The following ZBTB21 variants were observed in gnomAD, a reference collection of about 807,000 sequenced individuals.
ZBTB21 encodes the protein zinc finger and BTB domain-containing protein 21.
ZBTB21 carries 10 observed loss-of-function variants against 39.8 expected under a neutral mutation model. The observed-to-expected ratio is 0.25, with a 90% confidence interval of 0.16 to 0.43. The LOEUF (loss-of-function observed/expected upper bound fraction) is 0.43, where lower values mean the gene tolerates loss of function less well. ZBTB21 is among the 20% of genes least tolerant of loss of function. The pLI is 1.00. For missense variants in ZBTB21, 1,221 were observed against 1,296.3 expected (o/e 0.94, Z 0.89); for synonymous variants, 551 against 498.8 (o/e 1.10, Z -1.40).
intron 2 of ZBTB21, among the ~76,000 whole-genome samples, chr21:41,998,756 C>T (rs2146312807): frequency 6.6e-6 from 1 of 152,212 alleles, no homozygotes; most frequent in East Asian, 1.9e-4. Flanking sequence ...TATACAATTC[C>T]TTCTGACTCC....
intron 2 of ZBTB21, among the ~76,000 whole-genome samples, chr21:42,001,167 C>T (rs2065812994): frequency 6.6e-6 from 1 of 151,606 alleles, no homozygotes; most frequent in Non-Finnish European, 1.5e-5. Flanking sequence ...GCAGGATTCA[C>T]ATCAGCTGGC....
intron 1 of ZBTB21, among the ~76,000 whole-genome samples, chr21:42,009,929 A>G (rs2065939198): frequency 6.6e-6 from 1 of 152,118 alleles, no homozygotes; most frequent in Non-Finnish European, 1.5e-5. Flanking sequence ...CCCCTACCCC[A>G]GGGGCAGCTC....
rs746565908 is a variant in ZBTB21, at chr21:41,991,819, C to T, written c.2277G>A (p.Ser759=). The T allele has an allele frequency of 8.7e-6, 14 of 1,614,170 alleles. No individual in the cohort carries two copies. The highest frequency in any genetic ancestry group is 6.7e-5 in the Admixed American group (4 of 60,026). The change falls in exon 3 of 3, where the codon TCG becomes TCA. Residue 759 remains serine, a synonymous_variant. Transcript: ENST00000310826. This position sits in a 1 kb window ranked among gnomAD's most constrained non-coding sequence, Gnocchi z 4.9. The part of the protein sequence containing the change: ...VCPYCSLRFF[S]PELKQEHESK... ...TCTCGTGTTCTTGCTTCAGCTCGGG[C>T]GAGAAAAACCTGAGGCTGCAGTAAG...
At position 41,991,814 on chromosome 21, in the gene ZBTB21, T is replaced by A. The variant is rs754335990; in HGVS notation, c.2282A>T (p.Glu761Val). Residue 761 changes from glutamate to valine, a missense_variant, in exon 3 of 3, where the codon GAG (glutamate) becomes GTG (valine). Coordinates refer to ENST00000310826, the MANE Select transcript of ZBTB21 (RefSeq NM_001098402.2). The surrounding 1 kb of genome is among the most constrained non-coding windows in gnomAD (Gnocchi z 4.9). The stretch of plus-strand genomic sequence containing the variant: ...CTTGCTCTCGTGTTCTTGCTTCAGC[T>A]CGGGCGAGAAAAACCTGAGGCTGCA... ...PYCSLRFFSP[E>V]LKQEHESKCE... The A allele has an allele frequency of 2.5e-6, 4 of 1,614,204 alleles. No homozygotes were observed. The highest frequency in any genetic ancestry group is 3.4e-6 in the Non-Finnish European group (4 of 1,180,032).
chr21:41,993,881 A>G lies in ZBTB21; in HGVS notation c.215T>C (p.Leu72Pro). Residue 72 changes from leucine (L) to proline (P), a missense_variant, in exon 3 of 3, where the codon CTT becomes CCT. Leu to Pro is a moderately conservative substitution (Grantham distance 98). Around this residue, in one of 4 missense-constraint regions of ZBTB21, gnomAD observed 108 missense variants for 155.0 expected, o/e 0.70. Coordinates refer to ENST00000310826, the MANE Select transcript of ZBTB21 (RefSeq NM_001098402.2). ...KENESQTVFQLDFCEPDAFDN... is the reference protein window; with the variant it reads ...KENESQTVFQPDFCEPDAFDN... ...AAAAGCATCTGGCTCACAGAAGTCA[A>G]GCTGAAATACAGTTTGTGACTCATT... 2 of 1,613,982 alleles carry G rather than the reference A, an allele frequency of 1.2e-6. No homozygotes were observed. The highest frequency in any genetic ancestry group is 1.7e-6 in the Non-Finnish European group (2 of 1,179,946).
At position 41,992,863 on chromosome 21, in the gene ZBTB21, A is replaced by G; in HGVS notation, c.1233T>C (p.Ser411=). The G allele has an allele frequency of 1.2e-6, 2 of 1,614,198 alleles. No individual in the cohort carries two copies. Among genetic ancestry groups the G allele is most frequent in the Non-Finnish European group, 1.7e-6 (2 of 1,180,040 alleles). The change falls in exon 3 of 3, where the codon AGT becomes AGC. Residue 411 remains serine (S), a synonymous_variant. Transcript: ENST00000310826. This position sits in a 1 kb window ranked among gnomAD's most constrained non-coding sequence, Gnocchi z 4.1. ...CCTCCCTGTCTGTTGACTGAGAAGC[A>G]CTAAAGGACCTGAGGCGATGCGGTT... ...VLQPHRLRSF[S]ASQSTDREGA...
At chr21:42,006,811 A>T (rs193263552) in intron 1 of ZBTB21, among the ~76,000 whole-genome samples, 1 of 152,344 alleles carries the variant, frequency 6.6e-6, no homozygotes, top group East Asian at 1.9e-4. Context: ...AAACTGATGT[A>T]ACTGGTGTTC....
At chr21:42,001,199 T>C (rs191351559) in intron 2 of ZBTB21, among the ~76,000 whole-genome samples, 309 of 152,316 alleles carry the variant, frequency 2.0e-3, no homozygotes, top group African/African-American at 7.1e-3. Flanking sequence ...GGCTAAGCTC[T>C]TAACCCCTAC....
intron 2 of ZBTB21, among the ~76,000 whole-genome samples, chr21:41,997,780 A>G (rs1207167368): frequency 6.6e-6 from 1 of 152,192 alleles, no homozygotes; most frequent in East Asian, 1.9e-4. Flanking sequence ...TTTCACTGAA[A>G]TGCTCTTCAA....
Position 41,989,796 on chromosome 21 carries a change from T to C in ZBTB21, c.*1099A>G, listed in dbSNP as rs1247113115. ...CACAAGAGAGAGGCAGGAAAATGTA[T>C]ATGTCGTATATATTGTTCTTGGAAA... On this transcript the variant is annotated 3_prime_UTR_variant, in exon 3 of 3. Transcript: ENST00000310826. 6.6e-6 allele frequency: 1 copy of C among 152,158 alleles called. No homozygotes were observed. The highest frequency in any genetic ancestry group is 1.5e-5 in the Non-Finnish European group (1 of 67,996). 9.4% of individuals were successfully genotyped at this position (152,158 alleles called of 1,614,324 possible). A position where few individuals can be genotyped will look rare whatever the true frequency, so the allele number is the denominator to read the frequency against.
chr21:42,009,085 A>G (rs1392668018), intron 1 of ZBTB21: 1 of 152,202 alleles, frequency 6.6e-6, no homozygotes, highest in Non-Finnish European at 1.5e-5. Context: ...TTTGTAACAC[A>G]CGCGTGCCCT....
At position 41,988,761 on chromosome 21, in the gene ZBTB21, T is replaced by C. The variant is rs1915718302; in HGVS notation, c.*2134A>G. The C allele has an allele frequency of 8.5e-6, 1 of 118,340 alleles. No individual in the cohort carries two copies. The highest frequency in any genetic ancestry group is 2.7e-5 in the African/African-American group (1 of 36,406). The allele number at this position is 118,340 out of a possible 1,614,324, so 7.3% of individuals were successfully genotyped here. A position where few individuals can be genotyped will look rare whatever the true frequency, so the allele number is the denominator to read the frequency against. On this transcript the variant is annotated 3_prime_UTR_variant, in exon 3 of 3. Coordinates refer to ENST00000310826, the MANE Select transcript of ZBTB21 (RefSeq NM_001098402.2). ...AGAACCTATGTTTAGATCAAAAATA[T>C]TTTTTTTTTTTACTGATTAACAATA...
chr21:41,996,149 T>G (rs1026026963), intron 2 of ZBTB21, among the ~76,000 whole-genome samples: 1 of 152,222 alleles, frequency 6.6e-6, no homozygotes, highest in Non-Finnish European at 1.5e-5. Context: ...ACTGGGGCAC[T>G]GCCTAGTGGA....
intron 2 of ZBTB21, among the ~76,000 whole-genome samples, chr21:42,002,156 G>C (rs1290696964): frequency 6.6e-6 from 1 of 152,200 alleles, no homozygotes; most frequent in Non-Finnish European, 1.5e-5. Context: ...TAGATGTCTA[G>C]ATAGGAGACA....
In ZBTB21 at chr21:41,991,901, G is replaced by C. The variant is rs1340971024; in HGVS notation, c.2195C>G (p.Ser732Cys). 2 of 1,614,178 alleles carry C rather than the reference G, an allele frequency of 1.2e-6. No individual in the cohort carries two copies. Among genetic ancestry groups the C allele is most frequent in the South Asian group, 1.1e-5 (1 of 91,088 alleles). Residue 732 changes from serine (S) to cysteine (C), a missense_variant, in exon 3 of 3, where the codon TCT becomes TGT. By Grantham distance (112) the Ser-to-Cys change is moderately radical. Around this residue, in one of 4 missense-constraint regions of ZBTB21, gnomAD observed 523 missense variants for 542.5 expected, o/e 0.96. Transcript: ENST00000310826. This position sits in a 1 kb window ranked among gnomAD's most constrained non-coding sequence, Gnocchi z 4.9. The part of the protein sequence containing the change: ...YQCRLCNAKL[S>C]SLLEQGSHER... ...GTGGCTTCCTTGCTCTAGGAGAGAA[G>C]AGAGCTTAGCATTACAGAGGCGGCA... is the stretch of plus-strand genomic sequence containing the variant.
At chr21:42,010,154 CAG>C (rs1319526156) in intron 1 of ZBTB21, 96 bp downstream of exon 1, 2 of 389,830 alleles carry the variant, frequency 5.1e-6, no homozygotes, top group African/African-American at 4.1e-5. Context: ...GAAATCACCT[CAG>C]AGTTACGTCA....
chr21:41,993,105 T>C lies in ZBTB21; in HGVS notation c.991A>G (p.Arg331Gly), dbSNP rs1601635543. The C allele has an allele frequency of 6.2e-7, 1 of 1,614,246 alleles. No homozygotes were observed. The highest frequency in any genetic ancestry group is 8.5e-7 in the Non-Finnish European group (1 of 1,180,038). Residue 331 changes from arginine to glycine, a missense_variant, in exon 3 of 3, where the codon AGG (arginine) becomes GGG (glycine). Arg to Gly is a moderately radical substitution (Grantham distance 125). Around this residue, in one of 4 missense-constraint regions of ZBTB21, gnomAD observed 500 missense variants for 465.6 expected, o/e 1.07. Coordinates refer to ENST00000310826, the MANE Select transcript of ZBTB21 (RefSeq NM_001098402.2). Reference sequence around the variant, plus strand: ...AGACTCTTAACAAGTGGGCCACTCCTGTCAATGCTTTGGTTTCCAGAACCA... The same window carrying C: ...AGACTCTTAACAAGTGGGCCACTCCCGTCAATGCTTTGGTTTCCAGAACCA... ...GSGSGNQSID[R>G]SGPLVKSLLR...
intron 1 of ZBTB21, among the ~76,000 whole-genome samples, 184 bp from the exon 2 acceptor site, chr21:42,003,145 T>TA (rs1469893124): frequency 6.6e-6 from 1 of 152,376 alleles, no homozygotes; most frequent in African/African-American, 2.4e-5. Context: ...TAAACATGGC[T>TA]AACACTACCC....
Position 41,993,937 on chromosome 21 carries a change from T to C in ZBTB21, c.159A>G (p.Glu53=). 6.2e-7 allele frequency: 1 copy of C among 1,614,284 alleles called. No individual in the cohort carries two copies. Among genetic ancestry groups the C allele is most frequent in the Non-Finnish European group, 8.5e-7 (1 of 1,180,052 alleles). ...AHKNVLAASS[E]YFQSLFTNKE... Reference sequence around the variant, plus strand: ...TATTTGTGAATAAACTCTGAAAGTATTCGCTGCTGGCAGCCAAGACGTTTT... The same window carrying C: ...TATTTGTGAATAAACTCTGAAAGTACTCGCTGCTGGCAGCCAAGACGTTTT... The change falls in exon 3 of 3, where the codon GAA becomes GAG. Residue 53 remains glutamate, a synonymous_variant. Transcript: ENST00000310826.
Sources: gnomAD v4.1 joint callset for allele counts (sites outside exome capture counted in the v4.1 genomes callset) on GRCh38, gnomAD v4.1.1 for gene constraint, gnomAD v4.1.1 regional missense constraint, Gnocchi (gnomAD v3.1) non-coding constraint, MANE v1.5 for transcripts, NCBI Gene and HGNC (gene_info 2026-07-23, HGNC 2026-07-21) for gene names.